Variants in LRCH3 observed in about 807,000 individuals in gnomAD.
The protein encoded by LRCH3 is DISP complex protein LRCH3.
Under a neutral mutation model 104.5 loss-of-function variants are expected in LRCH3, and 68 were observed. The ratio of observed to expected loss-of-function variants is 0.65; its 90% CI spans 0.54 to 0.80. LRCH3 has a LOEUF of 0.80. LRCH3 is among the 30% of genes least tolerant of loss of function. LRCH3 has a pLI of 0.00. For missense variants in LRCH3, 951 were observed against 953.9 expected, an observed-to-expected ratio of 1.00 and a Z score of 0.04; for synonymous variants, 344 against 361.3, an observed-to-expected ratio of 0.95 and a Z score of 0.54.
chr3:197,809,782 TG>T (rs1732918840), intron 1 of LRCH3, among the ~76,000 whole-genome samples: 1 of 152,158 alleles, frequency 6.6e-6, no homozygotes, highest in Non-Finnish European at 1.5e-5. Flanking sequence ...TTGTTGTTGT[TG>T]TTGAGGCTTT....
chr3:197,793,772 C>G (rs779745469), intron 1 of LRCH3, among the ~76,000 whole-genome samples: 12 of 151,804 alleles, frequency 7.9e-5, no homozygotes, highest in African/African-American at 1.2e-4. Flanking sequence ...CTGGTCAAAA[C>G]GTGTAAAAAG....
intron 15 of LRCH3, among the ~76,000 whole-genome samples, chr3:197,862,669 T>G (rs1280477407): frequency 6.6e-6 from 1 of 152,256 alleles, no homozygotes; most frequent in African/African-American, 2.4e-5. Context: ...ACATAGTCTT[T>G]TACTTCCTTG....
chr3:197,811,058 T>C lies in LRCH3; in HGVS notation c.263-3850T>C, dbSNP rs1403974991. ...TACCTAAGCAAGGAGTGTTTTTAAA[T>C]GTGACAGATGTAAACAGAAAGTCTG... On this transcript the variant is annotated intron_variant, in intron 1 of 20. Transcript: ENST00000425562. 2.0e-5 allele frequency among the ~76,000 whole-genome samples: 3 copies of C among 152,168 alleles called. No homozygotes were observed. In the East Asian group the frequency reaches 5.8e-4, roughly 29 times the overall value.
In LRCH3 at chr3:197,807,520, C is replaced by T. The variant is rs539299686; in HGVS notation, c.263-7388C>T. On this transcript the variant is annotated intron_variant, in intron 1 of 20. Transcript: ENST00000425562. The stretch of plus-strand genomic sequence containing the variant: ...ACAGGTGTGAGCCACCATGCCCGGC[C>T]GCATCATGTTTTTAAATCCACTTTG... Among the ~76,000 whole-genome samples the T allele has an allele frequency of 1.6e-4, 24 of 152,184 alleles. No homozygotes were observed. In the South Asian group the frequency reaches 1.7e-3, roughly 11 times the overall value.
Position 197,835,695 on chromosome 3 carries a change from T to C in LRCH3, c.1124T>C (p.Ile375Thr). Residue 375 changes from isoleucine (I) to threonine (T), a missense_variant, in exon 9 of 21, where the codon ATT becomes ACT. Physicochemically the swap from Ile to Thr is moderately conservative, Grantham distance 89. Coordinates refer to ENST00000425562, the MANE Select transcript of LRCH3 (RefSeq NM_001365715.1). Reference sequence around the variant, plus strand: ...ACAGTGGAACATGATCTGGATCAGATTGACTACATAGACAGCTGCACCGCA... The same window carrying C: ...ACAGTGGAACATGATCTGGATCAGACTGACTACATAGACAGCTGCACCGCA... ...NGGVEHDLDQ[I>T]DYIDSCTAEE... The C allele has an allele frequency of 2.5e-6, 4 of 1,613,542 alleles. No homozygotes were observed. Among genetic ancestry groups the C allele is most frequent in the Non-Finnish European group, 3.4e-6 (4 of 1,179,848 alleles).
intron 1 of LRCH3, among the ~76,000 whole-genome samples, chr3:197,813,743 C>G (rs1288176512): frequency 6.6e-6 from 1 of 151,736 alleles, no homozygotes; most frequent in Non-Finnish European, 1.5e-5. Flanking sequence ...GTTGGGCAGG[C>G]TGGTCTCAAA....
intron 15 of LRCH3, among the ~76,000 whole-genome samples, chr3:197,862,385 T>G (rs1740987748): frequency 6.6e-6 from 1 of 152,248 alleles, no homozygotes; most frequent in African/African-American, 2.4e-5. Flanking sequence ...CCTGTTAACT[T>G]TCTCCTTTTA....
rs564404492 is a variant in LRCH3 at position 197,839,206 on chromosome 3, T to C, written c.1252-115T>C. On this transcript the variant is annotated intron_variant, in intron 9 of 20. Transcript: ENST00000425562. ...TTAAAGTTTACATTTGAAGAGTCTA[T>C]TAAAATGTTTTTTAGTGTAATATAT... 45 of 670,540 alleles carry C rather than the reference T, an allele frequency of 6.7e-5. No individual in the cohort carries two copies. In the South Asian group the frequency reaches 8.1e-4, roughly 12 times the overall value. 41.5% of individuals were successfully genotyped at this position (670,540 alleles called of 1,614,324 possible).
In LRCH3 at chr3:197,820,370, A is replaced by G; in HGVS notation, c.580A>G (p.Asn194Asp). The change falls in exon 4 of 21, where the codon AAC (asparagine) becomes GAC (aspartate). Residue 194 changes from asparagine (N) to aspartate (D), a missense_variant. Coordinates refer to ENST00000425562, the MANE Select transcript of LRCH3 (RefSeq NM_001365715.1). ...EIQTIPSQIG[N>D]LEALRDLNVR... ...TCAAACTATACCTTCCCAAATTGGT[A>G]ACCTGGAGGCCTTGAGAGACCTTAA... is the stretch of plus-strand genomic sequence containing the variant. 6.2e-7 allele frequency: 1 copy of G among 1,613,510 alleles called. No individual in the cohort carries two copies. The highest frequency in any genetic ancestry group is 1.3e-5 in the African/African-American group (1 of 75,054).
intron 20 of LRCH3, among the ~76,000 whole-genome samples, chr3:197,878,639 C>T (rs1026631225): frequency 2.6e-5 from 4 of 152,140 alleles, no homozygotes; most frequent in Non-Finnish European, 4.4e-5. Flanking sequence ...CAGTTTTACA[C>T]GGCTTCCTAG....
chr3:197,804,113 G>A (rs143934721), intron 1 of LRCH3, among the ~76,000 whole-genome samples: 1 of 152,178 alleles, frequency 6.6e-6, no homozygotes, highest in African/African-American at 2.4e-5. Flanking sequence ...ACAAAAATTA[G>A]CCAGGCGTGG....
At chr3:197,797,864 A>AAAAAAAAAC (rs1560516788) in intron 1 of LRCH3, among the ~76,000 whole-genome samples, 1 of 128,382 alleles carries the variant, frequency 7.8e-6, no homozygotes. Context: ...CATCTCAAAA[A>AAAAAAAAAC]AAAAAAAAAC....
At chr3:197,837,563 A>C (rs1737005053) in intron 9 of LRCH3, among the ~76,000 whole-genome samples, 2 of 152,202 alleles carry the variant, frequency 1.3e-5, no homozygotes, top group Admixed American at 1.3e-4. Flanking sequence ...TGGAATGTTA[A>C]AAACTAACCT....
At chr3:197,881,846 G>A (rs974143045) in intron 20 of LRCH3, 5 of 985,276 alleles carry the variant, frequency 5.1e-6, no homozygotes, top group East Asian at 1.1e-4. Context: ...TAACATCTGG[G>A]TGTAGAATTC....
chr3:197,876,788 G>C (rs1448971291), intron 20 of LRCH3, among the ~76,000 whole-genome samples: 2 of 151,984 alleles, frequency 1.3e-5, no homozygotes, highest in African/African-American at 2.4e-5. Flanking sequence ...TTTGGTTCCT[G>C]TTCCTGTAGC....
At chr3:197,806,177 C>G (rs746537147) in intron 1 of LRCH3, among the ~76,000 whole-genome samples, 1 of 152,102 alleles carries the variant, frequency 6.6e-6, no homozygotes, top group South Asian at 2.1e-4. Flanking sequence ...CCACCTGCCT[C>G]GGCCTCCCAA....
rs545575479 is a variant in LRCH3 at position 197,870,031 on chromosome 3, G to A, written c.1874-129G>A. 2.9e-5 allele frequency: 25 copies of A among 863,714 alleles called. No homozygotes were observed. In the Middle Eastern group the frequency reaches 7.4e-4, roughly 25 times the overall value. 53.5% of individuals were successfully genotyped at this position (863,714 alleles called of 1,614,324 possible). The stretch of plus-strand genomic sequence containing the variant: ...ACTGTACCTGCAGGAGGTAGAAAGC[G>A]ATGCACTGTACCTGCAGGAGGTAGA... On this transcript the variant is annotated intron_variant, in intron 17 of 20. Transcript: ENST00000425562.
rs921299460 is a variant in LRCH3 at position 197,800,214 on chromosome 3, C to A, written c.262+8674C>A. On this transcript the variant is annotated intron_variant, in intron 1 of 20. Transcript: ENST00000425562. ...TGAGACTGTCTCAAAAAAAAAAACC[C>A]CACAGTTTTTTAAAAATGATTTTCA... 2.6e-5 allele frequency among the ~76,000 whole-genome samples: 4 copies of A among 151,944 alleles called. No homozygotes were observed. The East Asian group carries it at 5.8e-4, about 22-fold the overall frequency.
chr3:197,817,935 C>T (rs903777226), intron 3 of LRCH3, among the ~76,000 whole-genome samples: 1 of 152,166 alleles, frequency 6.6e-6, no homozygotes, highest in Non-Finnish European at 1.5e-5. Flanking sequence ...ATTCTCCTGC[C>T]TCAGCCTCCT....
Sources: allele counts gnomAD v4.1 joint callset (sites outside exome capture counted in the v4.1 genomes callset), GRCh38; gene constraint gnomAD v4.1.1; transcripts MANE v1.5; gene names NCBI Gene and HGNC (gene_info 2026-07-23, HGNC 2026-07-21).